The following TACR1 variants were observed in gnomAD, a reference collection of about 807,000 sequenced individuals.
The protein encoded by TACR1 is tachykinin receptor 1, also known as substance-P receptor.
Under a neutral mutation model 35.8 loss-of-function variants are expected in TACR1, and 25 were observed. That is an observed-to-expected ratio of 0.70 (90% CI 0.51 to 0.98). The LOEUF is 0.98. TACR1 is among the 50% of genes least tolerant of loss of function. The pLI is 0.00. For synonymous variants in TACR1, 195 were observed against 206.7 expected, an observed-to-expected ratio of 0.94 and a Z score of 0.48; for missense variants, 478 against 522.9, an observed-to-expected ratio of 0.91 and a Z score of 0.84.
chr2:75,188,029 A>C (rs1440873134), intron 1 of TACR1: 1 of 152,240 alleles, frequency 6.6e-6, no homozygotes, highest in East Asian at 1.9e-4. Flanking sequence ...TGAAAATTCC[A>C]ATGAAGTTTT....
intron 2 of TACR1, among the ~76,000 whole-genome samples, chr2:75,068,693 G>C (rs1329437269): frequency 6.6e-6 from 1 of 152,132 alleles, no homozygotes. Context: ...AAACATTGCA[G>C]AGTGCTTACA....
At chr2:75,131,097 CT>C (rs962093238) in intron 1 of TACR1, among the ~76,000 whole-genome samples, 99 of 144,464 alleles carry the variant, frequency 6.9e-4, no homozygotes, top group African/African-American at 1.1e-3. Context: ...ATTTTTTTTT[CT>C]TTTTTTTTTT....
rs77281398 is a variant in TACR1 at position 75,115,445 on chromosome 2, T to C, written c.584+5129A>G. 5.1e-4 allele frequency among the ~76,000 whole-genome samples: 78 copies of C among 152,276 alleles called. 3 individuals are homozygous for C. In the East Asian group the frequency reaches 0.014, roughly 27 times the overall value. On this transcript the variant is annotated intron_variant, in intron 2 of 4. Transcript: ENST00000305249. ...AGGGCAAATATCAAAATTAAGATGATATAGTCTATTTTTGAGATTTTATGC... is the reference window on the plus strand; with the variant it reads ...AGGGCAAATATCAAAATTAAGATGACATAGTCTATTTTTGAGATTTTATGC...
intron 1 of TACR1, among the ~76,000 whole-genome samples, chr2:75,144,621 A>G (rs1674468596): frequency 6.6e-6 from 1 of 152,218 alleles, no homozygotes; most frequent in African/African-American, 2.4e-5. Context: ...AGCTTATTCC[A>G]AAAAGTGAGA....
At chr2:75,088,100 C>A (rs1387001966) in intron 2 of TACR1, among the ~76,000 whole-genome samples, 1 of 152,166 alleles carries the variant, frequency 6.6e-6, no homozygotes, top group Non-Finnish European at 1.5e-5. Context: ...AAAACTACAA[C>A]CTATTTCTTT....
intron 1 of TACR1, among the ~76,000 whole-genome samples, chr2:75,152,945 C>G (rs1674707096): frequency 1.3e-5 from 2 of 152,204 alleles, no homozygotes; most frequent in African/African-American, 4.8e-5. Context: ...ATTCTGTCAC[C>G]AGGCTGGAGT....
At chr2:75,172,477 C>A (rs1397382308) in intron 1 of TACR1, among the ~76,000 whole-genome samples, 7 of 152,062 alleles carry the variant, frequency 4.6e-5, no homozygotes, top group African/African-American at 1.7e-4. Flanking sequence ...GGCTGTCCCC[C>A]GTCTAGGCAG....
In TACR1 at chr2:75,050,399, T is replaced by C. The variant is rs145589837; in HGVS notation, c.933-676A>G. On this transcript the variant is annotated intron_variant, in intron 4 of 4. Coordinates refer to ENST00000305249, the MANE Select transcript of TACR1 (RefSeq NM_001058.4). ...GAGTGTCTAATTCACAGAAGGCACC[T>C]TACAGGCTGAGGACTGATGGATATA... Among the ~76,000 whole-genome samples the C allele has an allele frequency of 8.7e-3, 1,327 of 152,304 alleles. 72 individuals carry two copies. The highest frequency in any genetic ancestry group is 0.078 in the Admixed American group (1,194 of 15,302).
chr2:75,123,734 C>G (rs1674017788), intron 1 of TACR1, among the ~76,000 whole-genome samples: 1 of 152,070 alleles, frequency 6.6e-6, no homozygotes, highest in African/African-American at 2.4e-5. Context: ...TCTTCTATCC[C>G]TCTCTTGCAA....
intron 1 of TACR1, among the ~76,000 whole-genome samples, chr2:75,192,633 C>T (rs150037569): frequency 6.6e-6 from 1 of 152,216 alleles, no homozygotes; most frequent in Non-Finnish European, 1.5e-5. Flanking sequence ...AATGAGGTAT[C>T]ATCCAAAAGC....
chr2:75,166,492 T>G (rs1675145804), intron 1 of TACR1, among the ~76,000 whole-genome samples: 1 of 152,204 alleles, frequency 6.6e-6, no homozygotes, highest in Non-Finnish European at 1.5e-5. Context: ...GATGAAAACT[T>G]AGTCGTTGGC....
At chr2:75,085,817 C>A (rs1020479190) in intron 2 of TACR1, among the ~76,000 whole-genome samples, 5 of 152,152 alleles carry the variant, frequency 3.3e-5, no homozygotes, top group Non-Finnish European at 7.3e-5. Context: ...GCTCTACTCA[C>A]TTGTTAGAAC....
chr2:75,083,222 GAT>G lies in TACR1; in HGVS notation c.585-29469_585-29468del, dbSNP rs1318168102. Among the ~76,000 whole-genome samples the G allele has an allele frequency of 3.3e-5, 5 of 152,348 alleles. No individual in the cohort carries two copies. The East Asian group carries it at 9.6e-4, about 29-fold the overall frequency. The stretch of plus-strand genomic sequence containing the variant: ...TCTTGTTTTTGTCAGGTTTGTCAAA[GAT>G]CAGATGGTTGTAGATGTGTGGTATT... On this transcript the variant is annotated intron_variant, in intron 2 of 4. Transcript: ENST00000305249.
rs552857244 is a variant in TACR1 at position 75,106,355 on chromosome 2, GTT to G, written c.584+14217_584+14218del. ...TCATATCTGCTTCTATATTCAGTGT[GTT>G]GTGATATCAGAAATCATGGAACCTC... is the stretch of plus-strand genomic sequence containing the variant. On this transcript the variant is annotated intron_variant, in intron 2 of 4. Coordinates refer to ENST00000305249, the MANE Select transcript of TACR1 (RefSeq NM_001058.4). Among the ~76,000 whole-genome samples the G allele has an allele frequency of 4.2e-3, 632 of 152,134 alleles. 6 individuals carry two copies. The highest frequency in any genetic ancestry group is 0.014 in the African/African-American group (598 of 41,548).
intron 1 of TACR1, among the ~76,000 whole-genome samples, chr2:75,152,635 T>C (rs1674699512): frequency 6.6e-6 from 1 of 152,230 alleles, no homozygotes; most frequent in Non-Finnish European, 1.5e-5. Context: ...AGATGTCTGA[T>C]TCCTTCTAAA....
intron 2 of TACR1, among the ~76,000 whole-genome samples, chr2:75,113,532 C>CTTTTTTTTTTTTTTTTTTTT (rs11437762): frequency 1.1e-5 from 1 of 92,082 alleles, no homozygotes; most frequent in Non-Finnish European, 2.0e-5. Flanking sequence ...TTTCTTCTTC[C>CTTTTTTTTTTTTTTTTTTTT]TTTTTTTTTT....
chr2:75,147,264 C>G (rs1272988726), intron 1 of TACR1, among the ~76,000 whole-genome samples: 1 of 152,224 alleles, frequency 6.6e-6, no homozygotes, highest in Non-Finnish European at 1.5e-5. Flanking sequence ...TTTCAATTTT[C>G]CTTTACTCCT....
intron 2 of TACR1, among the ~76,000 whole-genome samples, chr2:75,065,650 A>G (rs1357147433): frequency 1.3e-5 from 2 of 152,146 alleles, no homozygotes; most frequent in African/African-American, 2.4e-5. Flanking sequence ...GACGGATTGG[A>G]TACATGCAGA....
At chr2:75,142,166 C>T (rs1350933568) in intron 1 of TACR1, among the ~76,000 whole-genome samples, 1 of 152,188 alleles carries the variant, frequency 6.6e-6, no homozygotes, top group Non-Finnish European at 1.5e-5. Flanking sequence ...CCTAGAGCCT[C>T]CAGCCTCTGC....
Sources: gnomAD v4.1 joint callset for allele counts (sites outside exome capture counted in the v4.1 genomes callset) on GRCh38, gnomAD v4.1.1 for gene constraint, MANE v1.5 for transcripts, NCBI Gene and HGNC (gene_info 2026-07-23, HGNC 2026-07-21) for gene names.